CENATAC: variants seen among roughly 807,000 people sequenced by gnomAD.
CENATAC encodes the protein coiled-coil domain containing 84.
CENATAC carries 53 observed loss-of-function variants against 53.7 expected under a neutral mutation model. That is an observed-to-expected ratio of 0.99 (90% CI 0.79 to 1.24). The LOEUF (loss-of-function observed/expected upper bound fraction) is 1.24. CENATAC is among the 50% of genes most tolerant of loss of function. The probability of loss-of-function intolerance (pLI) is 0.00; values close to 1 mark genes in which losing one functional copy is unlikely to be tolerated. For missense variants in CENATAC, 474 were observed against 417.8 expected, an observed-to-expected ratio of 1.13 and a Z score of -1.17; for synonymous variants, 156 against 144.6, an observed-to-expected ratio of 1.08 and a Z score of -0.57.
At position 119,015,308 on chromosome 11, in the gene CENATAC, G is replaced by A. The variant is rs372634331; in HGVS notation, c.807G>A (p.Lys269=). ...GPSYEEFLKE[K]EKQKLKKLPP... is the part of the protein sequence containing the mutation. ...AAAAGTTTCCCTATCATTGTACAGA[G>A]GAAAAACAGAAGTTGAAAAAACTCC... The change falls in exon 10 of 11, where the codon AAG becomes AAA. Residue 269 remains lysine, a splice_region_variant and synonymous_variant. Transcript: ENST00000334418. 1.3e-5 allele frequency: 21 copies of A among 1,610,294 alleles called. No homozygotes were observed. The highest frequency in any genetic ancestry group is 1.7e-5 in the Non-Finnish European group (20 of 1,178,862).
intron 3 of CENATAC, among the ~76,000 whole-genome samples, chr11:119,008,612 A>C (rs150351179): frequency 0.018 from 2,680 of 152,252 alleles, 74 homozygotes; most frequent in African/African-American, 0.061. Context: ...AGCAGGAGAT[A>C]GTGGCCTTCC....
At chr11:119,005,709 G>C (rs1311390778) in intron 3 of CENATAC, 1 of 151,732 alleles carries the variant, frequency 6.6e-6, no homozygotes, top group African/African-American at 2.4e-5. Flanking sequence ...TTCTGGTTTG[G>C]AAATTAGAGA....
At position 119,011,963 on chromosome 11, in the gene CENATAC, G is replaced by A; in HGVS notation, c.538G>A (p.Glu180Lys). 1 of 1,614,090 alleles carries A rather than the reference G, an allele frequency of 6.2e-7. No individual in the cohort carries two copies. Among genetic ancestry groups the A allele is most frequent in the South Asian group, 1.1e-5 (1 of 91,058 alleles). The stretch of plus-strand genomic sequence containing the variant: ...GCCTCAGGCAGTGCCAGACCCAGAA[G>A]AGGGCTCTTCAGCACCTAGAAGCTG... The part of the protein sequence containing the change: ...LEPQAVPDPE[E>K]GSSAPRSWKG... Residue 180 changes from glutamate to lysine, a missense_variant, in exon 6 of 11, where the codon GAG becomes AAG. Physicochemically the swap from Glu to Lys is moderately conservative, Grantham distance 56. Transcript: ENST00000334418.
intron 3 of CENATAC, among the ~76,000 whole-genome samples, chr11:119,006,451 T>C (rs553417575): frequency 4.6e-4 from 70 of 152,250 alleles, no homozygotes; most frequent in African/African-American, 1.7e-3. Context: ...TTAGCCAGGA[T>C]GGTCTTGATC....
rs969154358 is a variant in CENATAC at position 118,999,196 on chromosome 11, G to C, written c.383+87G>C. 3.1e-6 allele frequency: 3 copies of C among 961,998 alleles called. No homozygotes were observed. The Admixed American group carries it at 6.4e-5, about 20-fold the overall frequency. 59.6% of individuals were successfully genotyped at this position (961,998 alleles called of 1,614,324 possible). A position where few individuals can be genotyped will look rare whatever the true frequency, so the allele number is the denominator to read the frequency against. On this transcript the variant is annotated intron_variant, in intron 3 of 10. Coordinates refer to ENST00000334418, the MANE Select transcript of CENATAC (RefSeq NM_198489.3). ...GGGAGCTTACTCTATTAACTGGAAA[G>C]TTCAGGAGGGACTTACGAAGAATCT... is the stretch of plus-strand genomic sequence containing the variant.
In CENATAC at chr11:119,010,745, T is replaced by C. The variant is rs200453427; in HGVS notation, c.384-19T>C. 2.6e-4 allele frequency: 415 copies of C among 1,613,600 alleles called. 2 individuals carry two copies. Among genetic ancestry groups the C allele is most frequent in the Admixed American group, 7.2e-4 (43 of 59,974 alleles). On this transcript the variant is annotated intron_variant, in intron 3 of 10. Coordinates refer to ENST00000334418, the MANE Select transcript of CENATAC (RefSeq NM_198489.3). ...GGTGGGGAATGGGTTCTGGGTGGTT[T>C]TGCCCCTTTTCTTTTTAGATTCAAG... is the stretch of plus-strand genomic sequence containing the variant.
rs375748196 is a variant in CENATAC at position 119,011,210 on chromosome 11, C to T, written c.451-11C>T. 2.5e-6 allele frequency: 4 copies of T among 1,613,354 alleles called. No homozygotes were observed. The highest frequency in any genetic ancestry group is 2.5e-6 in the Non-Finnish European group (3 of 1,179,414). ...GATCCTGTACCTGTCTAAGCAGCCTCTCTCCCACAGATGGCAGCTCAGATC... is the reference window on the plus strand; with the variant it reads ...GATCCTGTACCTGTCTAAGCAGCCTTTCTCCCACAGATGGCAGCTCAGATC... On this transcript the variant is annotated splice_polypyrimidine_tract_variant and intron_variant, in intron 4 of 10. Transcript: ENST00000334418.
chr11:118,998,675 C>T (rs1273402748), intron 2 of CENATAC, 82 bp downstream of exon 2: 1 of 1,466,136 alleles, frequency 6.8e-7, no homozygotes, highest in Non-Finnish European at 9.1e-7. Context: ...AGAAAAAGGA[C>T]GCTTTTGTGA....
chr11:119,015,090 A>G lies in CENATAC; in HGVS notation c.805+7A>G, dbSNP rs782524278. 3 of 1,590,024 alleles carry G rather than the reference A, an allele frequency of 1.9e-6. No individual in the cohort carries two copies. The highest frequency in any genetic ancestry group is 4.5e-5 in the East Asian group (2 of 44,786). ...GAAGAATTTCTTAAAGAAAGTAAGT[A>G]AACTAATTCAAGAGAGGATCGTCTA... On this transcript the variant is annotated splice_region_variant and intron_variant, in intron 9 of 10. Coordinates refer to ENST00000334418, the MANE Select transcript of CENATAC (RefSeq NM_198489.3).
intron 8 of CENATAC, chr11:119,014,773 G>T (rs368362490): frequency 2.6e-6 from 1 of 387,730 alleles, no homozygotes. Context: ...AGTGTGTATC[G>T]TTTATGTCAG....
At chr11:119,010,465 G>A (rs755732938) in intron 3 of CENATAC, 27 of 373,256 alleles carry the variant, frequency 7.2e-5, no homozygotes, top group Non-Finnish European at 1.3e-4. Flanking sequence ...TCTTAATGTG[G>A]TAATGGTATC....
intron 3 of CENATAC, chr11:119,003,958 T>C (rs1395385170): frequency 6.6e-6 from 1 of 152,300 alleles, no homozygotes; most frequent in Non-Finnish European, 1.5e-5. Context: ...TCCATGGTTA[T>C]AGATATTTGG....
intron 4 of CENATAC, 27 bp downstream of exon 4, chr11:119,010,857 C>A: frequency 6.2e-7 from 1 of 1,604,170 alleles, no homozygotes; most frequent in Non-Finnish European, 8.5e-7. Context: ...GTCCCTCACC[C>A]TTTTTGCACC....
rs373158845 is a variant in CENATAC, at chr11:118,998,222, C to G, written c.25C>G (p.Leu9Val). The G allele has an allele frequency of 2.6e-5, 41 of 1,583,610 alleles. No homozygotes were observed. In the African/African-American group the frequency reaches 4.2e-4, roughly 16 times the overall value. The change falls in exon 1 of 11, where the codon CTG (leucine) becomes GTG (valine). Residue 9 changes from leucine to valine, a missense_variant. Transcript: ENST00000334418. Reference sequence around the variant, plus strand: ...TATGGCGCCGGCGCAGCGCTGCCCTCTGTGCCGCCAGACCTTCTTCTGTGG... The same window carrying G: ...TATGGCGCCGGCGCAGCGCTGCCCTGTGTGCCGCCAGACCTTCTTCTGTGG... MAPAQRCP[L>V]CRQTFFCGRG...
chr11:119,003,232 T>C (rs572848533), intron 3 of CENATAC: 7 of 535,130 alleles, frequency 1.3e-5, no homozygotes, highest in East Asian at 4.9e-5. Flanking sequence ...AACTTGATGA[T>C]GCATAGTGGT....
intron 3 of CENATAC, among the ~76,000 whole-genome samples, chr11:119,004,253 AT>A (rs1228690919): frequency 5.4e-4 from 79 of 146,492 alleles, no homozygotes; most frequent in Admixed American, 6.1e-4. Flanking sequence ...TGATTTTCAG[AT>A]TTTTTTTTTT....
chr11:119,002,247 A>G (rs1171863358), intron 3 of CENATAC, among the ~76,000 whole-genome samples: 1 of 150,994 alleles, frequency 6.6e-6, no homozygotes, highest in Admixed American at 6.6e-5. Flanking sequence ...AAAAAAAAAA[A>G]AGAAACTGAT....
intron 5 of CENATAC, among the ~76,000 whole-genome samples, chr11:119,011,503 C>G (rs1030843125): frequency 2.6e-5 from 4 of 152,196 alleles, no homozygotes; most frequent in Admixed American, 2.6e-4. Context: ...CCTCAGGCTC[C>G]CGAGTAGCTG....
At chr11:119,015,225 A>G in intron 9 of CENATAC, 82 bp from the exon 10 acceptor site, 1 of 1,501,302 alleles carries the variant, frequency 6.7e-7, no homozygotes, top group Non-Finnish European at 9.0e-7. Context: ...CAGAAGTTTG[A>G]AAACAGCCTG....
Sources: gnomAD v4.1 joint callset for allele counts (sites outside exome capture counted in the v4.1 genomes callset) on GRCh38, gnomAD v4.1.1 for gene constraint, MANE v1.5 for transcripts, NCBI Gene and HGNC (gene_info 2026-07-23, HGNC 2026-07-21) for gene names.